The following RARB variants were observed in gnomAD, a reference collection of about 807,000 sequenced individuals.
The protein encoded by RARB is HBV-activated protein.
Under a neutral mutation model 51.9 loss-of-function variants are expected in RARB, and 17 were observed. The ratio of observed to expected loss-of-function variants is 0.33; its 90% confidence interval spans 0.22 to 0.49. RARB has a LOEUF of 0.49. Ranked by LOEUF, RARB falls within the 20% of genes least tolerant of loss-of-function variation. RARB has a pLI of 0.99. For synonymous variants in RARB, 215 were observed against 195.4 expected (o/e 1.10, Z -0.84); for missense variants, 369 against 550.8 (o/e 0.67, Z 3.30).
intron 5 of RARB, among the ~76,000 whole-genome samples, chr3:25,344,284 T>C (rs1414823893): frequency 6.6e-6 from 1 of 152,224 alleles, no homozygotes; most frequent in Non-Finnish European, 1.5e-5. Context: ...CTTTGTTTTT[T>C]TAAAAAGTTA....
intron 2 of RARB, among the ~76,000 whole-genome samples, chr3:25,010,609 T>G (rs1697374574): frequency 6.6e-6 from 1 of 152,078 alleles, no homozygotes; most frequent in Non-Finnish European, 1.5e-5. Context: ...TGCAACAAAG[T>G]GGGCACTTCC....
intron 3 of RARB, among the ~76,000 whole-genome samples, chr3:25,070,538 A>C (rs201438161): frequency 1.1e-4 from 17 of 152,000 alleles, no homozygotes; most frequent in African/African-American, 3.1e-4. Context: ...AAGACCCCCC[A>C]CCCATTGTTT....
rs1335698955 is a variant in RARB at position 24,989,723 on chromosome 3, A to C, written c.-379-70402A>C. 8.0e-5 allele frequency among the ~76,000 whole-genome samples: 8 copies of C among 100,502 alleles called. 3 individuals are homozygous for C. The highest frequency in any genetic ancestry group is 1.6e-4 in the Non-Finnish European group (8 of 51,070). The allele number at this position is 100,502 out of a possible 152,430, so 65.9% of individuals were successfully genotyped here. ...ATGCACAAAGCACAGATAGGTGCCC[A>C]GTCTATAGCTTAATTTCCAACTTTC... On this transcript the variant is annotated intron_variant, in intron 2 of 11. Transcript: ENST00000383772.
chr3:24,902,538 A>G (rs1483662563), intron 2 of RARB, among the ~76,000 whole-genome samples: 1 of 152,166 alleles, frequency 6.6e-6, no homozygotes, highest in African/African-American at 2.4e-5. Flanking sequence ...AAAAACGGGT[A>G]ATTTGGTCTG....
In RARB at chr3:25,448,593, G is replaced by C. The variant is rs143439715; in HGVS notation, c.158-12600G>C. ...AGCAATTCTCCTGCCTCAGCCTCCC[G>C]AGTAGCTGGGATTGCAGGCATGCAC... On this transcript the variant is annotated intron_variant, in intron 1 of 7. Transcript: ENST00000330688. Among the ~76,000 whole-genome samples, 183 of 152,064 alleles carry C rather than the reference G, an allele frequency of 1.2e-3. 1 individual carries two copies. Among genetic ancestry groups the C allele is most frequent in the African/African-American group, 4.1e-3 (171 of 41,468 alleles).
chr3:24,951,854 G>T (rs1695900152), intron 2 of RARB, among the ~76,000 whole-genome samples: 1 of 152,158 alleles, frequency 6.6e-6, no homozygotes, highest in Admixed American at 6.6e-5. Flanking sequence ...AACACCAGTA[G>T]GGATTTGACT....
At chr3:25,573,617 G>A (rs986580863) in intron 4 of RARB, among the ~76,000 whole-genome samples, 1 of 152,194 alleles carries the variant, frequency 6.6e-6, no homozygotes, top group African/African-American at 2.4e-5. Flanking sequence ...TCTGGAAGTC[G>A]GTGGTATAAA....
At chr3:25,080,398 A>C (rs1698969831) in intron 3 of RARB, among the ~76,000 whole-genome samples, 1 of 152,220 alleles carries the variant, frequency 6.6e-6, no homozygotes, top group Admixed American at 6.5e-5. Context: ...AACATTGTTG[A>C]ACAAGTACCT....
At chr3:25,281,680 G>T (rs1056081670) in intron 5 of RARB, among the ~76,000 whole-genome samples, 7 of 152,050 alleles carry the variant, frequency 4.6e-5, no homozygotes, top group Admixed American at 3.9e-4. Context: ...GTTTCTAGTA[G>T]CCTAAGCGTC....
In RARB at chr3:25,428,588, A is replaced by G. The variant is rs1335706736; in HGVS notation, c.-144A>G. The G allele has an allele frequency of 3.6e-6, 5 of 1,383,266 alleles. No individual in the cohort carries two copies. In the South Asian group the frequency reaches 9.8e-5, roughly 27 times the overall value. The allele number at this position is 1,383,266 out of a possible 1,614,324, so 85.7% of individuals were successfully genotyped here. A position where few individuals can be genotyped will look rare whatever the true frequency, so the allele number is the denominator to read the frequency against. On this transcript the variant is annotated 5_prime_UTR_variant, in exon 1 of 8. An upstream start codon of the reference 5' UTR is lost. Transcript: ENST00000330688. ...TTAGCTGGCTTGTCTGTCATAATTCATGATTCGGGGCTGGGAAAAAGACCA... is the reference window on the plus strand; with the variant it reads ...TTAGCTGGCTTGTCTGTCATAATTCGTGATTCGGGGCTGGGAAAAAGACCA...
intron 2 of RARB, among the ~76,000 whole-genome samples, chr3:24,910,616 T>C (rs2125378951): frequency 6.6e-6 from 1 of 152,332 alleles, no homozygotes; most frequent in East Asian, 1.9e-4. Flanking sequence ...ACAGTCTAAC[T>C]TGGGTGCTCC....
chr3:24,835,538 T>C (rs1702333770), intron 1 of RARB, among the ~76,000 whole-genome samples: 1 of 152,162 alleles, frequency 6.6e-6, no homozygotes, highest in South Asian at 2.1e-4. Flanking sequence ...TGTTATTGCA[T>C]TTATTACTCA....
intron 5 of RARB, among the ~76,000 whole-genome samples, chr3:25,295,018 A>C (rs901861111): frequency 1.6e-4 from 24 of 152,176 alleles, no homozygotes; most frequent in African/African-American, 5.8e-4. Flanking sequence ...CTCGAAAGAC[A>C]ATCTGTCCAT....
chr3:24,932,910 A>G (rs900023537), intron 2 of RARB, among the ~76,000 whole-genome samples: 1 of 152,122 alleles, frequency 6.6e-6, no homozygotes, highest in Non-Finnish European at 1.5e-5. Flanking sequence ...TATGGAAGAG[A>G]GAAAACCCAT....
chr3:25,418,944 C>CA (rs36025962), intron 5 of RARB, among the ~76,000 whole-genome samples: 2,089 of 108,542 alleles, frequency 0.019, 49 homozygotes, highest in African/African-American at 0.062. Flanking sequence ...ACAGACTAAC[C>CA]AAAAAAAAAA....
chr3:24,970,760 T>C (rs1370526730), intron 2 of RARB, among the ~76,000 whole-genome samples: 2 of 152,004 alleles, frequency 1.3e-5, no homozygotes, highest in Non-Finnish European at 2.9e-5. Context: ...TTGTGTGGAG[T>C]AATTCTAGTT....
chr3:25,165,067 C>T (rs887143265), intron 4 of RARB, among the ~76,000 whole-genome samples: 3 of 151,770 alleles, frequency 2.0e-5, no homozygotes, highest in Non-Finnish European at 4.4e-5. Flanking sequence ...GGATCTAAGG[C>T]CTAGAGAGAT....
intron 5 of RARB, among the ~76,000 whole-genome samples, chr3:25,217,996 C>T (rs564077940): frequency 6.6e-6 from 1 of 152,244 alleles, no homozygotes; most frequent in Admixed American, 6.5e-5. Flanking sequence ...AAAATTCCCT[C>T]TACTCTTTTT....
chr3:25,439,777 C>T (rs554609800), intron 1 of RARB, among the ~76,000 whole-genome samples: 1 of 152,296 alleles, frequency 6.6e-6, no homozygotes, highest in African/African-American at 2.4e-5. Context: ...TGTTTGAAAT[C>T]TAATTGTTGC....
Sources: allele counts gnomAD v4.1 joint callset (sites outside exome capture counted in the v4.1 genomes callset), GRCh38; gene constraint gnomAD v4.1.1; transcripts MANE v1.5; gene names NCBI Gene and HGNC (gene_info 2026-07-23, HGNC 2026-07-21).